The following VASP variants were observed in gnomAD, a reference collection of about 807,000 sequenced individuals.
VASP encodes the protein vasodilator stimulated phosphoprotein.
VASP carries 27 observed loss-of-function variants against 54.4 expected under a neutral mutation model. The ratio of observed to expected loss-of-function variants is 0.50; its 90% confidence interval spans 0.37 to 0.68. VASP has a LOEUF of 0.68. VASP is among the 30% of genes least tolerant of loss of function. The pLI, the probability that VASP is intolerant of heterozygous loss-of-function variation, is 0.00. For missense variants in VASP, 488 were observed against 528.3 expected, an observed-to-expected ratio of 0.92 and a Z score of 0.75; for synonymous variants, 233 against 209.8, an observed-to-expected ratio of 1.11 and a Z score of -0.96.
rs368822266 is a variant in VASP, at chr19:45,522,239, G to T, written c.478+22G>T. The T allele has an allele frequency of 3.7e-6, 6 of 1,614,116 alleles. No individual in the cohort carries two copies. In the African/African-American group the frequency reaches 8.0e-5, roughly 22 times the overall value. ...GCAGGTGATGCTCAGATAGCTTCGG[G>T]AGTTGGGAGGGGGCCTCCCTGGAGG... On this transcript the variant is annotated intron_variant, in intron 5 of 12. Transcript: ENST00000245932.
intron 11 of VASP, chr19:45,524,882 G>T: frequency 2.2e-6 from 1 of 460,104 alleles, no homozygotes. Flanking sequence ...TTCCAGATGA[G>T]TGCCTTGAAT....
chr19:45,509,227 A>G (rs1380896759), intron 1 of VASP, among the ~76,000 whole-genome samples: 1 of 152,154 alleles, frequency 6.6e-6, no homozygotes, highest in Non-Finnish European at 1.5e-5. Flanking sequence ...CAAGGAGGAC[A>G]CCCACAGATA....
intron 3 of VASP, among the ~76,000 whole-genome samples, chr19:45,520,702 G>A (rs1017793103): frequency 2.6e-5 from 4 of 152,300 alleles, no homozygotes; most frequent in South Asian, 2.1e-4. Flanking sequence ...GGTGGCTCAC[G>A]CCTGTAATCT....
intron 1 of VASP, among the ~76,000 whole-genome samples, chr19:45,508,627 C>A (rs1323007851): frequency 6.6e-6 from 1 of 152,146 alleles, no homozygotes; most frequent in African/African-American, 2.4e-5. Context: ...GGGCGGGCAC[C>A]AAGCGCTGTA....
intron 1 of VASP, among the ~76,000 whole-genome samples, chr19:45,508,062 T>A (rs1375951792): frequency 6.6e-6 from 1 of 151,258 alleles, no homozygotes; most frequent in Non-Finnish European, 1.5e-5. Context: ...TTAGAGGACC[T>A]CAAAGTTGGC....
At chr19:45,511,238 G>A (rs969539676) in intron 1 of VASP, among the ~76,000 whole-genome samples, 5 of 151,886 alleles carry the variant, frequency 3.3e-5, no homozygotes, top group Non-Finnish European at 7.4e-5. Context: ...AGGGGACAGT[G>A]AAGGGAAGGG....
At chr19:45,521,542 TTGCAGAACCTCCTGGTCCC>T in intron 4 of VASP, 136 bp downstream of exon 4, 6 of 750,162 alleles carry the variant, frequency 8.0e-6, no homozygotes. Context: ...ACACTCAGAG[TTGCAGAACCTCCTGGTCCC>T]TGCAGATTCC....
rs755763067 is a variant in VASP at position 45,522,354 on chromosome 19, C to T, written c.493C>T (p.Pro165Ser). The T allele has an allele frequency of 2.4e-5, 38 of 1,584,630 alleles. No individual in the cohort carries two copies. Among genetic ancestry groups the T allele is most frequent in the Non-Finnish European group, 3.1e-5 (36 of 1,165,874 alleles). ...RVSNAGGPPAPPAGGPPPPPG... is the reference protein window; with the variant it reads ...RVSNAGGPPASPAGGPPPPPG... ...GTTTGTTTCAGGAGGCCCACCTGCTCCCCCCGCTGGGGGTCCACCCCCACC... is the reference window on the plus strand; with the variant it reads ...GTTTGTTTCAGGAGGCCCACCTGCTTCCCCCGCTGGGGGTCCACCCCCACC... Residue 165 changes from proline (P) to serine (S), a missense_variant, in exon 6 of 13, where the codon CCC becomes TCC. This residue lies in a region of VASP where 226 missense variants were observed against 196.0 expected (regional missense o/e 1.15). Coordinates refer to ENST00000245932, the MANE Select transcript of VASP (RefSeq NM_003370.4).
In VASP at chr19:45,518,110, G is replaced by C. The variant is rs1176703022; in HGVS notation, c.343+16G>C. ...GCGTTGGAAGGTCAGAAATGGCGGC[G>C]GGCAAAGGGGACCAGTGAATGCGGC... On this transcript the variant is annotated intron_variant, in intron 3 of 12. Transcript: ENST00000245932. 1.9e-6 allele frequency: 3 copies of C among 1,609,250 alleles called. No homozygotes were observed. Among genetic ancestry groups the C allele is most frequent in the South Asian group, 2.2e-5 (2 of 90,690 alleles).
rs996092966 is a variant in VASP at position 45,507,844 on chromosome 19, C to A, written c.5+68C>A. On this transcript the variant is annotated intron_variant, in intron 1 of 12. Transcript: ENST00000245932. The surrounding 1 kb of genome is among the most constrained non-coding windows in gnomAD (Gnocchi z 4.4). ...CTCCGCGCCCCGCCTTTGTCCCCCT[C>A]CCCCCCAGCTAGCTCCGGGCTGGAA... 1.3e-5 allele frequency: 13 copies of A among 993,962 alleles called. No homozygotes were observed. Among genetic ancestry groups the A allele is most frequent in the Middle Eastern group, 2.5e-4 (1 of 4,016 alleles). 61.6% of individuals were successfully genotyped at this position (993,962 alleles called of 1,614,324 possible). A position where few individuals can be genotyped will look rare whatever the true frequency, so the allele number is the denominator to read the frequency against.
chr19:45,514,111 C>G (rs921873893), intron 1 of VASP, among the ~76,000 whole-genome samples: 2 of 152,114 alleles, frequency 1.3e-5, no homozygotes, highest in Admixed American at 6.6e-5. Context: ...GGGGTGACAT[C>G]TAAGGAGAGA....
At chr19:45,520,352 CTG>C (rs1164615323) in intron 3 of VASP, among the ~76,000 whole-genome samples, 3 of 152,166 alleles carry the variant, frequency 2.0e-5, no homozygotes, top group Non-Finnish European at 4.4e-5. Flanking sequence ...GCGGACGTGA[CTG>C]AGTAGTGAGG....
intron 8 of VASP, 39 bp from the exon 9 acceptor site, chr19:45,523,802 T>A (rs200256237): frequency 6.2e-4 from 994 of 1,613,978 alleles, no homozygotes; most frequent in Non-Finnish European, 7.7e-4. Flanking sequence ...GGCAGAGGTG[T>A]GGCAGGGGCT....
chr19:45,522,249 G>A, intron 5 of VASP, 32 bp downstream of exon 5: 2 of 1,614,186 alleles, frequency 1.2e-6, no homozygotes, highest in Admixed American at 1.7e-5. Flanking sequence ...GAGTTGGGAG[G>A]GGGCCTCCCT....
chr19:45,510,274 T>A (rs1824500419), intron 1 of VASP, among the ~76,000 whole-genome samples: 1 of 152,134 alleles, frequency 6.6e-6, no homozygotes, highest in Non-Finnish European at 1.5e-5. Flanking sequence ...TTGCCCAGGC[T>A]GTTGTGAAAT....
rs753998452 is a variant in VASP, at chr19:45,522,194, T to G, written c.455T>G (p.Ile152Arg). 1.2e-6 allele frequency: 2 copies of G among 1,613,950 alleles called. No homozygotes were observed. Among genetic ancestry groups the G allele is most frequent in the East Asian group, 4.5e-5 (2 of 44,890 alleles). ...KRQQPGPSEH[I>R]ERRVSNAGGP... ...CAGCAGCCCGGCCCGTCGGAGCACA[T>G]AGAGCGCCGGGTCTCCAATGCAGGT... is the stretch of plus-strand genomic sequence containing the variant. The change falls in exon 5 of 13, where the codon ATA (isoleucine) becomes AGA (arginine). Residue 152 changes from isoleucine (I) to arginine (R), a missense_variant. By Grantham distance (97) the Ile-to-Arg change is moderately conservative. Around this residue, in one of 4 missense-constraint regions of VASP, gnomAD observed 226 missense variants for 196.0 expected, o/e 1.15. Coordinates refer to ENST00000245932, the MANE Select transcript of VASP (RefSeq NM_003370.4).
chr19:45,519,922 T>TTTA (rs57222956), intron 3 of VASP, among the ~76,000 whole-genome samples: 5,284 of 102,182 alleles, frequency 0.052, 709 homozygotes, highest in African/African-American at 0.13. Flanking sequence ...TTTTTTTTTT[T>TTTA]AATATGGAGT....
rs1285256523 is a variant in VASP at position 45,507,808 on chromosome 19, G to A, written c.5+32G>A. On this transcript the variant is annotated intron_variant, in intron 1 of 12. Transcript: ENST00000245932. The surrounding 1 kb of genome is among the most constrained non-coding windows in gnomAD (Gnocchi z 4.4). ...CGGACCTGCCCCCCGACCCGTCCCCGCCCGGGCGGGCTCCGCGCCCCGCCT... is the reference window on the plus strand; with the variant it reads ...CGGACCTGCCCCCCGACCCGTCCCCACCCGGGCGGGCTCCGCGCCCCGCCT... The A allele has an allele frequency of 4.7e-6, 5 of 1,067,480 alleles. No individual in the cohort carries two copies. The highest frequency in any genetic ancestry group is 5.8e-6 in the Non-Finnish European group (5 of 863,628). The allele number at this position is 1,067,480 out of a possible 1,614,324, so 66.1% of individuals were successfully genotyped here.
At chr19:45,518,143 C>T (rs754274004) in intron 3 of VASP, 49 bp downstream of exon 3, 1 of 1,581,848 alleles carries the variant, frequency 6.3e-7, no homozygotes, top group Non-Finnish European at 8.6e-7. Context: ...GGCTGTGTGG[C>T]CTGGGGCTGC....
Sources: allele counts gnomAD v4.1 joint callset (sites outside exome capture counted in the v4.1 genomes callset), GRCh38; gene constraint gnomAD v4.1.1; regional missense constraint gnomAD v4.1.1; non-coding constraint Gnocchi (gnomAD v3.1); transcripts MANE v1.5; gene names NCBI Gene and HGNC (gene_info 2026-07-23, HGNC 2026-07-21).